Variants in YWHAB observed in about 807,000 individuals in gnomAD.
YWHAB encodes tyrosine 3-monooxygenase/tryptophan 5-monooxygenase activation protein beta, also known as 14-3-3 protein beta/alpha.
A neutral mutation model predicts 28.5 loss-of-function variants in YWHAB; 2 were observed. The ratio of observed to expected loss-of-function variants is 0.07; its 90% CI spans 0.03 to 0.22. The LOEUF is 0.22. Ranked by LOEUF, YWHAB falls within the 10% of genes least tolerant of loss-of-function variation. The pLI is 1.00. For synonymous variants in YWHAB, 103 were observed against 104.7 expected, an observed-to-expected ratio of 0.98 and a Z score of 0.10; for missense variants, 148 against 297.1, an observed-to-expected ratio of 0.50 and a Z score of 3.69.
intron 1 of YWHAB, among the ~76,000 whole-genome samples, chr20:44,900,797 A>T (rs1029000689): frequency 6.6e-6 from 1 of 152,074 alleles, no homozygotes; most frequent in East Asian, 1.9e-4. Context: ...TTTTTTTGAG[A>T]TGGAGTCTCA....
In YWHAB at chr20:44,901,486, G is replaced by A. The variant is rs7348579; in HGVS notation, c.-3-45G>A. 36 of 1,531,474 alleles carry A rather than the reference G, an allele frequency of 2.4e-5. No individual in the cohort carries two copies. The South Asian group carries it at 3.3e-4, about 14-fold the overall frequency. 94.9% of individuals were successfully genotyped at this position (1,531,474 alleles called of 1,614,324 possible). A position where few individuals can be genotyped will look rare whatever the true frequency, so the allele number is the denominator to read the frequency against. ...GATTCACACACGTTTCCTAGGCCCC[G>A]AAACCTGACATTTGCTCTTTCTTTT... On this transcript the variant is annotated intron_variant, in intron 1 of 5. Transcript: ENST00000353703.
chr20:44,899,257 TC>T (rs1349303940), intron 1 of YWHAB, among the ~76,000 whole-genome samples: 1 of 152,218 alleles, frequency 6.6e-6, no homozygotes, highest in African/African-American at 2.4e-5. Flanking sequence ...GGCGGGCAGA[TC>T]ACCTGAGTTT....
intron 1 of YWHAB, among the ~76,000 whole-genome samples, chr20:44,898,925 T>C (rs1568931472): frequency 6.6e-6 from 1 of 151,746 alleles, no homozygotes; most frequent in Non-Finnish European, 1.5e-5. Flanking sequence ...AAGACCAGCC[T>C]GAGCAATGTA....
chr20:44,898,383 C>G (rs1481688125), intron 1 of YWHAB, among the ~76,000 whole-genome samples: 1 of 152,116 alleles, frequency 6.6e-6, no homozygotes, highest in Non-Finnish European at 1.5e-5. Flanking sequence ...TTGAGTGTAT[C>G]TTATTGTGCT....
In YWHAB at chr20:44,898,630, C is replaced by T. The variant is rs531233975; in HGVS notation, c.-3-2901C>T. ...TTCAAGCGATTCTCTTGCTCAGCCT[C>T]CCCAGTAGCTGGGACTATAGGCACG... On this transcript the variant is annotated intron_variant, in intron 1 of 5. Transcript: ENST00000353703. 2.0e-5 allele frequency among the ~76,000 whole-genome samples: 3 copies of T among 152,046 alleles called. No homozygotes were observed. The South Asian group carries it at 6.2e-4, about 32-fold the overall frequency.
At chr20:44,903,848 A>AATTTT (rs1262454419) in intron 2 of YWHAB, 145 bp from the exon 3 acceptor site, 1 of 918,390 alleles carries the variant, frequency 1.1e-6, no homozygotes, top group African/African-American at 1.7e-5. Flanking sequence ...TGGGCTAAAC[A>AATTTT]ACATTTAGTA....
chr20:44,897,031 C>T (rs972725631), intron 1 of YWHAB, among the ~76,000 whole-genome samples: 1 of 152,162 alleles, frequency 6.6e-6, no homozygotes, highest in Admixed American at 6.5e-5. Flanking sequence ...AGAAATCTTG[C>T]AGTAATCTCG....
rs187881270 is a variant in YWHAB at position 44,900,879 on chromosome 20, G to A, written c.-3-652G>A. Among the ~76,000 whole-genome samples, 274 of 152,192 alleles carry A rather than the reference G, an allele frequency of 1.8e-3. 2 individuals carry two copies. The South Asian group carries it at 0.022, about 12-fold the overall frequency. On this transcript the variant is annotated intron_variant, in intron 1 of 5. Coordinates refer to ENST00000353703, the MANE Select transcript of YWHAB (RefSeq NM_139323.4). ...CAACCTCTGCCTTTTGGTTTCAAGCGATCCTCCTGCCTCAGCCTCCCCAGT... is the reference window on the plus strand; with the variant it reads ...CAACCTCTGCCTTTTGGTTTCAAGCAATCCTCCTGCCTCAGCCTCCCCAGT...
At chr20:44,898,023 G>A (rs1403691553) in intron 1 of YWHAB, among the ~76,000 whole-genome samples, 1 of 152,128 alleles carries the variant, frequency 6.6e-6, no homozygotes, top group African/African-American at 2.4e-5. Context: ...GCCTGGGGAG[G>A]CACACGTAGG....
At chr20:44,895,473 TA>T (rs1180556081) in intron 1 of YWHAB, among the ~76,000 whole-genome samples, 1 of 151,888 alleles carries the variant, frequency 6.6e-6, no homozygotes, top group Non-Finnish European at 1.5e-5. Context: ...TTAGGAAGAG[TA>T]ATTTTTTGTT....
At chr20:44,888,292 A>G (rs1270259722) in intron 1 of YWHAB, among the ~76,000 whole-genome samples, 9 of 152,258 alleles carry the variant, frequency 5.9e-5, no homozygotes, top group Non-Finnish European at 4.4e-5. Context: ...TTAGTCTATA[A>G]TAATAGTTAC....
At chr20:44,895,154 G>T (rs6073566) in intron 1 of YWHAB, among the ~76,000 whole-genome samples, 2 of 152,212 alleles carry the variant, frequency 1.3e-5, no homozygotes, top group Admixed American at 1.3e-4. Context: ...AGTCAGGGAA[G>T]GGTTTGTAGC....
chr20:44,903,265 T>A, intron 2 of YWHAB: 1 of 198,610 alleles, frequency 5.0e-6, no homozygotes, highest in Non-Finnish European at 9.2e-6. Flanking sequence ...GGCTATACCC[T>A]AGAAGATGAC....
intron 1 of YWHAB, among the ~76,000 whole-genome samples, chr20:44,896,720 G>C (rs1264596396): frequency 6.6e-6 from 1 of 152,220 alleles, no homozygotes; most frequent in Non-Finnish European, 1.5e-5. Flanking sequence ...TTGGATGGGA[G>C]ATTTATTGTA....
intron 1 of YWHAB, among the ~76,000 whole-genome samples, chr20:44,891,705 T>C (rs1329961253): frequency 2.6e-5 from 4 of 152,180 alleles, no homozygotes; most frequent in South Asian, 4.1e-4. Flanking sequence ...TCATGGCTAA[T>C]TGGACATAAT....
intron 1 of YWHAB, among the ~76,000 whole-genome samples, chr20:44,889,998 G>A (rs369702749): frequency 3.3e-5 from 5 of 152,120 alleles, no homozygotes; most frequent in East Asian, 3.8e-4. Context: ...TTTATAAAAC[G>A]GGACAATGTC....
At position 44,904,009 on chromosome 20, in the gene YWHAB, A is replaced by G; in HGVS notation, c.317A>G (p.Tyr106Cys). ...CNDVLELLDK[Y>C]LIPNATQPES... is the part of the protein sequence containing the mutation. ...ATTTTTTAGGAGCTGTTGGACAAAT[A>G]TCTTATTCCCAATGCTACACAACCA... Residue 106 changes from tyrosine (Y) to cysteine (C), a missense_variant, in exon 3 of 6, where the codon TAT becomes TGT. Physicochemically the swap from Tyr to Cys is radical, Grantham distance 194. Transcript: ENST00000353703. The G allele has an allele frequency of 6.3e-7, 1 of 1,595,954 alleles. No homozygotes were observed. The highest frequency in any genetic ancestry group is 8.5e-7 in the Non-Finnish European group (1 of 1,175,746).
intron 1 of YWHAB, among the ~76,000 whole-genome samples, chr20:44,898,362 T>C (rs890992526): frequency 1.7e-4 from 26 of 152,204 alleles, no homozygotes; most frequent in African/African-American, 6.0e-4. Flanking sequence ...TCTTTCTGAA[T>C]CACCTAGATT....
intron 1 of YWHAB, among the ~76,000 whole-genome samples, chr20:44,887,940 T>G (rs1269846127): frequency 2.6e-5 from 4 of 152,244 alleles, no homozygotes; most frequent in Non-Finnish European, 5.9e-5. Context: ...CCAGTTAACA[T>G]CTGATGACAC....
Sources: allele counts gnomAD v4.1 joint callset (sites outside exome capture counted in the v4.1 genomes callset), GRCh38; gene constraint gnomAD v4.1.1; transcripts MANE v1.5; gene names NCBI Gene and HGNC (gene_info 2026-07-23, HGNC 2026-07-21).